Variants in COBLL1 observed in about 807,000 individuals in gnomAD.
COBLL1 encodes the protein cordon-bleu WH2 repeat protein like 1, also known as cordon-bleu protein-like 1.
Under a neutral mutation model 94.8 loss-of-function variants are expected in COBLL1, and 50 were observed. The observed-to-expected ratio is 0.53, with a 90% CI of 0.42 to 0.67. COBLL1 has a LOEUF of 0.67. COBLL1 is among the 30% of genes least tolerant of loss of function. The pLI, the probability that COBLL1 is intolerant of heterozygous loss-of-function variation, is 0.00. For synonymous variants in COBLL1, 448 were observed against 473.8 expected, an observed-to-expected ratio of 0.95 and a Z score of 0.71; for missense variants, 1,362 against 1,348.7, an observed-to-expected ratio of 1.01 and a Z score of -0.15.
intron 2 of COBLL1, among the ~76,000 whole-genome samples, chr2:164,784,939 G>A (rs1688883566): frequency 6.6e-6 from 1 of 152,012 alleles, no homozygotes; most frequent in African/African-American, 2.4e-5. Flanking sequence ...TGGGAGGTGG[G>A]GCCTAATGAG....
intron 2 of COBLL1, among the ~76,000 whole-genome samples, chr2:164,795,436 C>T (rs1683396500): frequency 6.6e-6 from 1 of 152,052 alleles, no homozygotes; most frequent in South Asian, 2.1e-4. Flanking sequence ...TATTGTTAAT[C>T]ATTTCTATTA....
At chr2:164,804,721 TAATA>T (rs1222559231) in intron 2 of COBLL1, among the ~76,000 whole-genome samples, 1 of 152,158 alleles carries the variant, frequency 6.6e-6, no homozygotes, top group Non-Finnish European at 1.5e-5. Flanking sequence ...GAAGATTAGT[TAATA>T]AATAATATAA....
At chr2:164,773,307 A>G (rs577770203) in intron 2 of COBLL1, among the ~76,000 whole-genome samples, 8 of 152,140 alleles carry the variant, frequency 5.3e-5, no homozygotes, top group Admixed American at 1.3e-4. Flanking sequence ...AGAATTTACC[A>G]TAATTTGAAA....
At chr2:164,700,466 A>C in intron 10 of COBLL1, 56 bp downstream of exon 10, 1 of 1,032,286 alleles carries the variant, frequency 9.7e-7, no homozygotes, top group Non-Finnish European at 1.5e-6. Flanking sequence ...ATATTTCAGA[A>C]GACTAGTATT....
chr2:164,776,275 A>C (rs1055226882), intron 2 of COBLL1, among the ~76,000 whole-genome samples: 25 of 151,714 alleles, frequency 1.6e-4, no homozygotes, highest in African/African-American at 5.6e-4. Flanking sequence ...TAAATCTCAA[A>C]CTCCTTATCC....
intron 2 of COBLL1, among the ~76,000 whole-genome samples, chr2:164,787,148 C>T (rs985208493): frequency 2.6e-5 from 4 of 152,138 alleles, no homozygotes; most frequent in African/African-American, 7.2e-5. Context: ...GTAAGCTTAT[C>T]CTTCCTTAGT....
intron 5 of COBLL1, chr2:164,727,142 T>A: frequency 1.3e-6 from 2 of 1,505,150 alleles, no homozygotes; most frequent in South Asian, 2.5e-5. Context: ...GTAACAGAAG[T>A]GGCTACAGAA....
At chr2:164,700,335 T>C (rs1684184190) in intron 10 of COBLL1, among the ~76,000 whole-genome samples, 187 bp downstream of exon 10, 1 of 152,312 alleles carries the variant, frequency 6.6e-6, no homozygotes, top group Admixed American at 6.5e-5. Context: ...CACATTTGAT[T>C]TTCTTTGAAT....
chr2:164,764,293 G>A (rs1460517403), intron 2 of COBLL1, among the ~76,000 whole-genome samples: 5 of 152,092 alleles, frequency 3.3e-5, no homozygotes, highest in Non-Finnish European at 2.9e-5. Context: ...ACTATTAGTA[G>A]TAATTTTAAC....
At chr2:164,814,040 A>G (rs1257677096) in intron 2 of COBLL1, among the ~76,000 whole-genome samples, 1 of 152,186 alleles carries the variant, frequency 6.6e-6, no homozygotes, top group Non-Finnish European at 1.5e-5. Context: ...GGCACAAGGA[A>G]TGCTACTTTT....
At chr2:164,775,852 G>C (rs994100101) in intron 2 of COBLL1, among the ~76,000 whole-genome samples, 1 of 152,012 alleles carries the variant, frequency 6.6e-6, no homozygotes, top group Non-Finnish European at 1.5e-5. Context: ...CCTACTTGGG[G>C]GTCTTACTAC....
chr2:164,825,323 TTTA>T lies in COBLL1; in HGVS notation c.41+15830_41+15832del, dbSNP rs1685370250. Among the ~76,000 whole-genome samples the T allele has an allele frequency of 5.9e-5, 9 of 152,226 alleles. No individual in the cohort carries two copies. In the South Asian group the frequency reaches 1.9e-3, roughly 32 times the overall value. On this transcript the variant is annotated intron_variant, in intron 2 of 13. Coordinates refer to ENST00000652658, the MANE Select transcript of COBLL1 (RefSeq NM_001365672.2). Reference sequence around the variant, plus strand: ...TTTTATATACTACTTGTGAAACATATTTATTATAAGGTAAATTTACCAGGAGCA... The same window carrying T: ...TTTTATATACTACTTGTGAAACATATTTATAAGGTAAATTTACCAGGAGCA...
rs1380928187 is a variant in COBLL1, at chr2:164,721,958, C to T, written c.996+117G>A. ...ACATATTAGTAACTGTTACTAATTA[C>T]CAACTGTTATAGGACTACTTCTTAC... is the stretch of plus-strand genomic sequence containing the variant. On this transcript the variant is annotated intron_variant, in intron 7 of 13. Coordinates refer to ENST00000652658, the MANE Select transcript of COBLL1 (RefSeq NM_001365672.2). The T allele has an allele frequency of 4.4e-6, 3 of 684,180 alleles. No homozygotes were observed. The East Asian group carries it at 8.0e-5, about 18-fold the overall frequency. 42.4% of individuals were successfully genotyped at this position (684,180 alleles called of 1,614,324 possible). A position where few individuals can be genotyped will look rare whatever the true frequency, so the allele number is the denominator to read the frequency against.
At chr2:164,779,252 A>G (rs1688623211) in intron 2 of COBLL1, among the ~76,000 whole-genome samples, 1 of 152,156 alleles carries the variant, frequency 6.6e-6, no homozygotes, top group Non-Finnish European at 1.5e-5. Context: ...ATATTACCAT[A>G]GATCACAGGT....
intron 2 of COBLL1, among the ~76,000 whole-genome samples, chr2:164,769,140 G>C (rs1688078924): frequency 6.6e-6 from 1 of 151,908 alleles, no homozygotes; most frequent in Non-Finnish European, 1.5e-5. Context: ...TCTACCATGT[G>C]TTCAAACATT....
Position 164,841,409 on chromosome 2 carries a change from G to C in COBLL1, c.-50-163C>G. ...GGGCCCCGGCTCCCAGCCCGCGGGC[G>C]CCGCCGCCGTCTCTACAAGGTCTAG... On this transcript the variant is annotated intron_variant, in intron 1 of 13. Transcript: ENST00000652658. The surrounding 1 kb of genome is among the most constrained non-coding windows in gnomAD (Gnocchi z 5.5). 1.7e-6 allele frequency: 2 copies of C among 1,164,674 alleles called. No individual in the cohort carries two copies. The highest frequency in any genetic ancestry group is 2.1e-6 in the Non-Finnish European group (2 of 945,476). The allele number at this position is 1,164,674 out of a possible 1,614,324, so 72.1% of individuals were successfully genotyped here. A position where few individuals can be genotyped will look rare whatever the true frequency, so the allele number is the denominator to read the frequency against.
chr2:164,695,468 G>A lies in COBLL1; in HGVS notation c.1924C>T (p.His642Tyr). Residue 642 changes from histidine to tyrosine, a missense_variant, in exon 12 of 14, where the codon CAC becomes TAC. Physicochemically the swap from His to Tyr is moderately conservative, Grantham distance 83 (BLOSUM62 2). Coordinates refer to ENST00000652658, the MANE Select transcript of COBLL1 (RefSeq NM_001365672.2). ...QTSNNNISTQ[H>Y]SCLSSQDSVN... ...GAATCTTGTGAACTTAAGCATGAGT[G>A]TTGAGTTGATATGTTGTTATTTGAA... is the stretch of plus-strand genomic sequence containing the variant. 2.5e-6 allele frequency: 4 copies of A among 1,613,912 alleles called. No homozygotes were observed. Among genetic ancestry groups the A allele is most frequent in the Non-Finnish European group, 3.4e-6 (4 of 1,179,900 alleles).
intron 2 of COBLL1, among the ~76,000 whole-genome samples, chr2:164,837,772 G>A (rs923336707): frequency 1.3e-5 from 2 of 152,276 alleles, no homozygotes; most frequent in East Asian, 1.9e-4. Context: ...AACCGAAACT[G>A]TTGTGACTCA....
chr2:164,686,009 T>G lies in COBLL1; in HGVS notation c.3324A>C (p.Ile1108=), dbSNP rs931969351. ...TGAGTCTTGACCTTCCATTCACAGA[T>G]ATTGTATTTGATGGAATGGTAACCT... is the stretch of plus-strand genomic sequence containing the variant. The part of the protein sequence containing the change: ...LKRVTIPSNT[I]SVNGRSRLSH... Residue 1108 remains isoleucine (I), a synonymous_variant, in exon 14 of 14, where the codon ATA becomes ATC. Transcript: ENST00000652658. 55 of 1,602,676 alleles carry G rather than the reference T, an allele frequency of 3.4e-5. No homozygotes were observed. Among genetic ancestry groups the G allele is most frequent in the Non-Finnish European group, 4.7e-5 (55 of 1,172,496 alleles).
Sources: gnomAD v4.1 joint callset for allele counts (sites outside exome capture counted in the v4.1 genomes callset) on GRCh38, gnomAD v4.1.1 for gene constraint, Gnocchi (gnomAD v3.1) non-coding constraint, MANE v1.5 for transcripts, NCBI Gene and HGNC (gene_info 2026-07-23, HGNC 2026-07-21) for gene names.